FRMD4B: variants seen among roughly 807,000 people sequenced by gnomAD.
FRMD4B encodes the protein FERM domain containing 4B, also known as FERM domain-containing protein 4B.
In FRMD4B, 74 loss-of-function variants were observed where a neutral mutation model predicts 141.5. That is an observed-to-expected ratio of 0.52 (90% CI 0.43 to 0.63). The LOEUF (loss-of-function observed/expected upper bound fraction) is 0.63, where lower values mean the gene tolerates loss of function less well. Among genes scored for constraint, FRMD4B ranks in the 30% least tolerant of loss-of-function variants. The pLI, the probability that FRMD4B is intolerant of heterozygous loss-of-function variation, is 0.00. For missense variants in FRMD4B, 1,366 were observed against 1,253.4 expected (o/e 1.09, Z -1.36); for synonymous variants, 506 against 467.9 (o/e 1.08, Z -1.05).
intron 1 of FRMD4B, among the ~76,000 whole-genome samples, chr3:69,449,994 T>G (rs1705469855): frequency 6.6e-6 from 1 of 152,086 alleles, no homozygotes; most frequent in Admixed American, 6.5e-5. Context: ...TACTTTACCT[T>G]CCTCAGCCTC....
chr3:69,397,994 A>G (rs1480044319), intron 2 of FRMD4B, among the ~76,000 whole-genome samples: 1 of 152,218 alleles, frequency 6.6e-6, no homozygotes, highest in Non-Finnish European at 1.5e-5. Context: ...TATCTTCAGA[A>G]AGAAGGTGTT....
At chr3:69,175,769 C>CTTTTTTTTTTTTTTTTTT (rs141059202) in intron 22 of FRMD4B, among the ~76,000 whole-genome samples, 1 of 88,114 alleles carries the variant, frequency 1.1e-5, no homozygotes, top group African/African-American at 3.8e-5. Flanking sequence ...CTTTTCTTCT[C>CTTTTTTTTTTTTTTTTTT]TTTTTTTTTT....
At chr3:69,492,036 G>A (rs928974257) in intron 1 of FRMD4B, among the ~76,000 whole-genome samples, 2 of 152,306 alleles carry the variant, frequency 1.3e-5, no homozygotes, top group Admixed American at 1.3e-4. Context: ...TTTAGTATCA[G>A]CTTATCATAG....
At chr3:69,513,952 C>G (rs367647566) in intron 1 of FRMD4B, among the ~76,000 whole-genome samples, 10 of 152,244 alleles carry the variant, frequency 6.6e-5, no homozygotes, top group African/African-American at 2.4e-4. Flanking sequence ...TAACATAATA[C>G]TCAATGGTGA....
At chr3:69,401,260 T>A (rs185216723) in intron 2 of FRMD4B, among the ~76,000 whole-genome samples, 1 of 152,238 alleles carries the variant, frequency 6.6e-6, no homozygotes, top group East Asian at 1.9e-4. Context: ...AATGGAAATA[T>A]ATGGAGGAAG....
intron 1 of FRMD4B, among the ~76,000 whole-genome samples, chr3:69,537,834 C>T (rs909233363): frequency 6.6e-6 from 1 of 152,210 alleles, no homozygotes; most frequent in African/African-American, 2.4e-5. Context: ...GGCACTTGTA[C>T]CCTGTGGTGA....
At chr3:69,178,499 C>T (rs1157498193) in intron 21 of FRMD4B, among the ~76,000 whole-genome samples, 1 of 151,832 alleles carries the variant, frequency 6.6e-6, no homozygotes, top group African/African-American at 2.4e-5. Context: ...GGAAACAGAG[C>T]CCAGTCTCTA....
chr3:69,519,036 G>A (rs1019118091), intron 1 of FRMD4B, among the ~76,000 whole-genome samples: 2 of 152,222 alleles, frequency 1.3e-5, no homozygotes, highest in Non-Finnish European at 2.9e-5. Context: ...GAATGGGGAT[G>A]TTTAACAGGC....
At chr3:69,418,485 A>G (rs1704911453) in intron 2 of FRMD4B, among the ~76,000 whole-genome samples, 1 of 152,156 alleles carries the variant, frequency 6.6e-6, no homozygotes, top group Non-Finnish European at 1.5e-5. Flanking sequence ...CTCACATTAT[A>G]TGCCCAAGGT....
At chr3:69,336,773 T>A (rs935518130) in intron 1 of FRMD4B, among the ~76,000 whole-genome samples, 1 of 151,984 alleles carries the variant, frequency 6.6e-6, no homozygotes, top group Non-Finnish European at 1.5e-5. Context: ...AGAAACCCTA[T>A]CTCTACTAAA....
chr3:69,472,747 C>A (rs149738219), intron 1 of FRMD4B, among the ~76,000 whole-genome samples: 1 of 151,956 alleles, frequency 6.6e-6, no homozygotes, highest in Non-Finnish European at 1.5e-5. Context: ...AGAGGGGACC[C>A]GGAAGAGGGG....
intron 8 of FRMD4B, among the ~76,000 whole-genome samples, chr3:69,224,175 A>G (rs571818585): frequency 6.6e-6 from 1 of 152,328 alleles, no homozygotes; most frequent in South Asian, 2.1e-4. Context: ...AACCAACTCA[A>G]TATATACAAT....
chr3:69,495,151 T>C (rs1297513317), intron 1 of FRMD4B, among the ~76,000 whole-genome samples: 1 of 152,158 alleles, frequency 6.6e-6, no homozygotes, highest in Non-Finnish European at 1.5e-5. Flanking sequence ...TTAAGTTCCC[T>C]AATAAACTAC....
intron 4 of FRMD4B, among the ~76,000 whole-genome samples, chr3:69,291,334 A>T (rs1700865907): frequency 6.6e-6 from 1 of 152,232 alleles, no homozygotes; most frequent in Non-Finnish European, 1.5e-5. Flanking sequence ...CAAAGCTCAT[A>T]AGAATTTCTT....
At chr3:69,377,078 T>C (rs546750945) in intron 1 of FRMD4B, 2 of 152,318 alleles carry the variant, frequency 1.3e-5, no homozygotes, top group African/African-American at 4.8e-5. Context: ...TTGTTGAGTT[T>C]AGGTGACATG....
intron 1 of FRMD4B, among the ~76,000 whole-genome samples, chr3:69,530,312 T>C (rs944008161): frequency 6.6e-6 from 1 of 152,242 alleles, no homozygotes; most frequent in Non-Finnish European, 1.5e-5. Flanking sequence ...CCCTCATGAA[T>C]AGATTAAGGC....
intron 1 of FRMD4B, among the ~76,000 whole-genome samples, chr3:69,340,616 C>T (rs750739305): frequency 9.2e-5 from 14 of 152,156 alleles, no homozygotes; most frequent in Admixed American, 3.3e-4. Context: ...CATGGGCAGA[C>T]GACTTCAGCT....
chr3:69,343,897 T>A (rs1411872493), intron 1 of FRMD4B, among the ~76,000 whole-genome samples: 1 of 152,136 alleles, frequency 6.6e-6, no homozygotes, highest in African/African-American at 2.4e-5. Context: ...ACAGTTTCTA[T>A]ACTCCCCAAG....
chr3:69,354,684 A>T (rs1703261437), intron 1 of FRMD4B, among the ~76,000 whole-genome samples: 4 of 152,176 alleles, frequency 2.6e-5, no homozygotes. Context: ...AGGTATCTAA[A>T]TATAGGGTGG....
Sources: gnomAD v4.1 joint callset for allele counts (sites outside exome capture counted in the v4.1 genomes callset) on GRCh38, gnomAD v4.1.1 for gene constraint, MANE v1.5 for transcripts, NCBI Gene and HGNC (gene_info 2026-07-23, HGNC 2026-07-21) for gene names.